The following RFX4 variants were observed in gnomAD, a reference collection of about 807,000 sequenced individuals.
The protein encoded by RFX4 is regulatory factor X4, also known as transcription factor RFX4.
Under a neutral mutation model 95.0 loss-of-function variants are expected in RFX4, and 10 were observed. The observed-to-expected ratio is 0.11, with a 90% CI of 0.06 to 0.18. RFX4 has a LOEUF of 0.18. Among genes scored for constraint, RFX4 ranks in the 10% least tolerant of loss-of-function variants. The pLI is 1.00. For synonymous variants in RFX4, 321 were observed against 340.7 expected, an observed-to-expected ratio of 0.94 and a Z score of 0.64; for missense variants, 640 against 922.0, an observed-to-expected ratio of 0.69 and a Z score of 3.96.
intron 13 of RFX4, among the ~76,000 whole-genome samples, chr12:106,728,601 GATAA>G (rs1352258273): frequency 1.3e-5 from 2 of 152,132 alleles, no homozygotes; most frequent in African/African-American, 4.8e-5. Context: ...ATGCTAAGGA[GATAA>G]ATAAAGTGGG....
At chr12:106,734,030 A>T (rs936393724) in intron 15 of RFX4, among the ~76,000 whole-genome samples, 2 of 152,240 alleles carry the variant, frequency 1.3e-5, no homozygotes, top group Admixed American at 6.5e-5. Context: ...TACAACTCTG[A>T]TGAACCTTGA....
chr12:106,682,259 T>C, intron 5 of RFX4: 1 of 573,886 alleles, frequency 1.7e-6, no homozygotes, highest in Non-Finnish European at 3.1e-6. Context: ...CAAGACGAGT[T>C]GGCTCTGCTG....
chr12:106,597,490 TA>T (rs1358249763), intron 1 of RFX4, among the ~76,000 whole-genome samples: 1 of 152,200 alleles, frequency 6.6e-6, no homozygotes, highest in East Asian at 1.9e-4. Context: ...ATACAATGCT[TA>T]AATCATGTAG....
In RFX4 at chr12:106,586,809, G is replaced by C. The variant is rs192536024; in HGVS notation, c.43+3446G>C. Reference sequence around the variant, plus strand: ...AGTGGCCTTGGCGCCGTGCCCACAAGGCAAAGTGCGTCCTGGAGGGAACAG... The same window carrying C: ...AGTGGCCTTGGCGCCGTGCCCACAACGCAAAGTGCGTCCTGGAGGGAACAG... On this transcript the variant is annotated intron_variant, in intron 1 of 17. Coordinates refer to ENST00000392842, the MANE Select transcript of RFX4 (RefSeq NM_213594.3). This position sits in a 1 kb window ranked among gnomAD's most constrained non-coding sequence, Gnocchi z 5.6. 3.9e-5 allele frequency among the ~76,000 whole-genome samples: 6 copies of C among 152,344 alleles called. No homozygotes were observed. The highest frequency in any genetic ancestry group is 1.9e-4 in the East Asian group (1 of 5,170).
rs1466846359 is a variant in RFX4, at chr12:106,586,981, G to C, written c.43+3618G>C. 6.6e-6 allele frequency among the ~76,000 whole-genome samples: 1 copy of C among 151,992 alleles called. No individual in the cohort carries two copies. Among genetic ancestry groups the C allele is most frequent in the Non-Finnish European group, 1.5e-5 (1 of 67,994 alleles). On this transcript the variant is annotated intron_variant, in intron 1 of 17. Coordinates refer to ENST00000392842, the MANE Select transcript of RFX4 (RefSeq NM_213594.3). This position sits in a 1 kb window ranked among gnomAD's most constrained non-coding sequence, Gnocchi z 5.6. ...TCGCCCTCCCCGGGCGTGTGTGTGT[G>C]CGCGCGCGCGGGCGAACGGGGCATG...
intron 17 of RFX4, among the ~76,000 whole-genome samples, chr12:106,753,277 G>A (rs2043044557): frequency 6.6e-6 from 1 of 152,128 alleles, no homozygotes. Flanking sequence ...TGCAGAAATT[G>A]TTCCCTCTGG....
intron 4 of RFX4, among the ~76,000 whole-genome samples, chr12:106,672,448 A>G (rs1033638997): frequency 6.6e-6 from 1 of 152,244 alleles, no homozygotes; most frequent in African/African-American, 2.4e-5. Context: ...ATGTTAGATC[A>G]GTAGCTAGAA....
At chr12:106,695,188 G>T (rs142340405) in intron 7 of RFX4, among the ~76,000 whole-genome samples, 29 of 152,278 alleles carry the variant, frequency 1.9e-4, no homozygotes, top group Admixed American at 1.4e-3. Flanking sequence ...ATCTGTTGGG[G>T]AGAGAAGGAA....
intron 5 of RFX4, among the ~76,000 whole-genome samples, chr12:106,685,124 G>A (rs965131543): frequency 3.3e-5 from 5 of 152,148 alleles, no homozygotes; most frequent in African/African-American, 9.7e-5. Flanking sequence ...GTATTGCCAC[G>A]GGACTGTGAA....
At chr12:106,753,209 C>G (rs992494557) in intron 17 of RFX4, among the ~76,000 whole-genome samples, 2 of 152,128 alleles carry the variant, frequency 1.3e-5, no homozygotes, top group Non-Finnish European at 2.9e-5. Flanking sequence ...CCTCCCTCCC[C>G]GCAGCCATGC....
At chr12:106,615,351 G>A (rs1592852974) in intron 2 of RFX4, among the ~76,000 whole-genome samples, 1 of 152,156 alleles carries the variant, frequency 6.6e-6, no homozygotes, top group Middle Eastern at 3.4e-3. Flanking sequence ...CTATTTTTGG[G>A]CTAATACTAC....
At chr12:106,601,491 G>T (rs3809240) in intron 1 of RFX4, 24 of 753,946 alleles carry the variant, frequency 3.2e-5, no homozygotes, top group South Asian at 3.1e-4. Flanking sequence ...TCCTAAAATA[G>T]GCCTCAGCAC....
At chr12:106,742,006 G>A (rs1410996581) in intron 15 of RFX4, among the ~76,000 whole-genome samples, 4 of 152,102 alleles carry the variant, frequency 2.6e-5, no homozygotes, top group Admixed American at 1.3e-4. Flanking sequence ...CCTCTTGTGC[G>A]GCCCAGTTCC....
intron 7 of RFX4, among the ~76,000 whole-genome samples, chr12:106,692,193 A>G (rs2041798603): frequency 6.6e-6 from 1 of 150,532 alleles, no homozygotes; most frequent in African/African-American, 2.4e-5. Context: ...CATGTAGGGG[A>G]CTCGGGAACG....
rs2039468180 is a variant in RFX4, at chr12:106,586,984, C to T, written c.43+3621C>T. Among the ~76,000 whole-genome samples the T allele has an allele frequency of 1.3e-5, 2 of 152,324 alleles. No homozygotes were observed. Among genetic ancestry groups the T allele is most frequent in the Non-Finnish European group, 2.9e-5 (2 of 68,028 alleles). On this transcript the variant is annotated intron_variant, in intron 1 of 17. Transcript: ENST00000392842. This position sits in a 1 kb window ranked among gnomAD's most constrained non-coding sequence, Gnocchi z 5.6. ...CCCTCCCCGGGCGTGTGTGTGTGCG[C>T]GCGCGCGGGCGAACGGGGCATGTGC...
At chr12:106,739,074 A>G (rs1404482857) in intron 15 of RFX4, among the ~76,000 whole-genome samples, 1 of 151,998 alleles carries the variant, frequency 6.6e-6, no homozygotes, top group East Asian at 1.9e-4. Context: ...AAAGTTTTGA[A>G]GTAGTTTATA....
chr12:106,732,319 T>C (rs1565998665), intron 14 of RFX4, 70 bp downstream of exon 14: 3 of 1,584,262 alleles, frequency 1.9e-6, no homozygotes, highest in South Asian at 1.1e-5. Flanking sequence ...CTGTGCTTTA[T>C]GTTTCTTTAA....
At chr12:106,636,880 G>A (rs2137274014) in intron 2 of RFX4, among the ~76,000 whole-genome samples, 1 of 152,222 alleles carries the variant, frequency 6.6e-6, no homozygotes, top group African/African-American at 2.4e-5. Context: ...GCCTTCCTAG[G>A]TGTTGACTTT....
intron 2 of RFX4, among the ~76,000 whole-genome samples, chr12:106,624,286 A>G (rs995304746): frequency 5.3e-5 from 8 of 152,222 alleles, no homozygotes; most frequent in African/African-American, 1.7e-4. Context: ...CTGTTTTTAT[A>G]CATCCCATGA....
Sources: gnomAD v4.1 joint callset for allele counts (sites outside exome capture counted in the v4.1 genomes callset) on GRCh38, gnomAD v4.1.1 for gene constraint, Gnocchi (gnomAD v3.1) non-coding constraint, MANE v1.5 for transcripts, NCBI Gene and HGNC (gene_info 2026-07-23, HGNC 2026-07-21) for gene names.